CLIC4: variants seen among roughly 807,000 people sequenced by gnomAD.
CLIC4 encodes chloride intracellular channel protein 4.
CLIC4 carries 13 observed loss-of-function variants against 24.6 expected under a neutral mutation model. The ratio of observed to expected loss-of-function variants is 0.53; its 90% CI spans 0.34 to 0.84. The LOEUF is 0.84. CLIC4 is among the 40% of genes least tolerant of loss of function. CLIC4 has a pLI of 0.01. For missense variants in CLIC4, 227 were observed against 301.7 expected, an observed-to-expected ratio of 0.75 and a Z score of 1.83; for synonymous variants, 104 against 111.3, an observed-to-expected ratio of 0.93 and a Z score of 0.41.
chr1:24,752,206 T>C (rs1460898658), intron 1 of CLIC4, among the ~76,000 whole-genome samples: 1 of 152,166 alleles, frequency 6.6e-6, no homozygotes, highest in Non-Finnish European at 1.5e-5. Flanking sequence ...AGGATAATAA[T>C]AATAGCAATT....
intron 1 of CLIC4, among the ~76,000 whole-genome samples, chr1:24,777,397 A>G (rs1461764876): frequency 6.6e-6 from 1 of 152,132 alleles, no homozygotes; most frequent in African/African-American, 2.4e-5. Context: ...TACAAGAATT[A>G]GTCAGGCGTG....
intron 2 of CLIC4, among the ~76,000 whole-genome samples, chr1:24,811,641 T>TA (rs201287959): frequency 3.3e-5 from 5 of 152,322 alleles, no homozygotes; most frequent in South Asian, 2.1e-4. Flanking sequence ...CCCAGCTAAT[T>TA]AAAAAAAATT....
At chr1:24,800,868 CATGCTCGTTA>C (rs1181632079) in intron 2 of CLIC4, among the ~76,000 whole-genome samples, 1 of 151,066 alleles carries the variant, frequency 6.6e-6, no homozygotes, top group African/African-American at 2.4e-5. Context: ...TTGAAGGCAG[CATGCTCGTTA>C]AGAGTCATCA....
intron 2 of CLIC4, among the ~76,000 whole-genome samples, chr1:24,813,041 TCTTTC>T (rs1362085436): frequency 3.7e-4 from 48 of 129,254 alleles, no homozygotes; most frequent in African/African-American, 1.1e-3. Flanking sequence ...TTTCTTTCTT[TCTTTC>T]TTTTTTTTTT....
intron 1 of CLIC4, among the ~76,000 whole-genome samples, chr1:24,765,695 A>C (rs1284521111): frequency 1.3e-5 from 2 of 152,318 alleles, no homozygotes; most frequent in African/African-American, 4.8e-5. Context: ...GCATGTAAAA[A>C]GTTCTTTATA....
In CLIC4 at chr1:24,843,305, G is replaced by GA. The variant is rs1639961542; in HGVS notation, c.*2371dup. The GA allele has an allele frequency of 2.0e-5, 3 of 152,342 alleles. No homozygotes were observed. In the South Asian group the frequency reaches 6.2e-4, roughly 32 times the overall value. The allele number at this position is 152,342 out of a possible 1,614,324, so 9.4% of individuals were successfully genotyped here. On this transcript the variant is annotated 3_prime_UTR_variant, in exon 6 of 6. Transcript: ENST00000374379. ...GCTTTAACCCCATTGTATGTTTGTG[G>GA]AAAGAGCATAGTTTAACATCTTGAG... is the stretch of plus-strand genomic sequence containing the variant.
At chr1:24,799,653 G>T (rs1424623151) in intron 2 of CLIC4, among the ~76,000 whole-genome samples, 7 of 140,090 alleles carry the variant, frequency 5.0e-5, no homozygotes, top group African/African-American at 1.7e-4. Flanking sequence ...GAGGTGGGGG[G>T]GGTCAGCCCC....
intron 3 of CLIC4, 136 bp from the exon 4 acceptor site, chr1:24,826,874 T>G (rs1485628628): frequency 2.3e-5 from 13 of 560,148 alleles, no homozygotes; most frequent in Non-Finnish European, 3.4e-5. Context: ...AAAAATACCA[T>G]AGAAAACAAA....
chr1:24,811,582 C>G (rs1374423155), intron 2 of CLIC4, among the ~76,000 whole-genome samples: 1 of 152,096 alleles, frequency 6.6e-6, no homozygotes, highest in African/African-American at 2.4e-5. Flanking sequence ...AACCAATCCT[C>G]CCATCTCAGC....
At chr1:24,795,647 C>T (rs925881886) in intron 1 of CLIC4, among the ~76,000 whole-genome samples, 25 of 152,008 alleles carry the variant, frequency 1.6e-4, no homozygotes, top group African/African-American at 4.3e-4. Flanking sequence ...CTCGGCTCAC[C>T]GCAACCTCCA....
intron 3 of CLIC4, among the ~76,000 whole-genome samples, chr1:24,820,966 T>G (rs1238149804): frequency 6.6e-6 from 1 of 152,084 alleles, no homozygotes; most frequent in Non-Finnish European, 1.5e-5. Flanking sequence ...GGTGGATGAC[T>G]TGAGCTCAGG....
At chr1:24,748,505 T>TG (rs1320002564) in intron 1 of CLIC4, among the ~76,000 whole-genome samples, 3 of 140,168 alleles carry the variant, frequency 2.1e-5, no homozygotes, top group Non-Finnish European at 3.2e-5. Context: ...TTTTGTTTTT[T>TG]TTTTTTTTTT....
At chr1:24,755,067 G>A (rs1211118137) in intron 1 of CLIC4, among the ~76,000 whole-genome samples, 9 of 127,120 alleles carry the variant, frequency 7.1e-5, no homozygotes, top group African/African-American at 2.5e-4. Flanking sequence ...GTAAGACTCC[G>A]TCTCAAAAAA....
intron 1 of CLIC4, among the ~76,000 whole-genome samples, chr1:24,748,499 GTTTTTTT>G (rs869153638): frequency 3.7e-5 from 3 of 80,608 alleles, no homozygotes; most frequent in African/African-American, 4.9e-5. Context: ...CAGGTTTTTT[GTTTTTTT>G]TTTTTTTTTT....
At chr1:24,838,738 A>C (rs1204905313) in intron 4 of CLIC4, among the ~76,000 whole-genome samples, 2 of 152,282 alleles carry the variant, frequency 1.3e-5, no homozygotes, top group Middle Eastern at 6.8e-3. Flanking sequence ...GTCTGTTGTT[A>C]TTCCATATTT....
intron 3 of CLIC4, among the ~76,000 whole-genome samples, chr1:24,816,803 G>A (rs2124155555): frequency 6.6e-6 from 1 of 152,280 alleles, no homozygotes; most frequent in East Asian, 1.9e-4. Context: ...ATTTAGAAAG[G>A]AATCTTTTTT....
chr1:24,763,075 T>C (rs981417192), intron 1 of CLIC4, among the ~76,000 whole-genome samples: 1 of 152,178 alleles, frequency 6.6e-6, no homozygotes, highest in African/African-American at 2.4e-5. Flanking sequence ...TCCCTCCTAC[T>C]TCTTTACTTG....
chr1:24,820,285 TTTTTTTTG>T (rs1006853376), intron 3 of CLIC4, among the ~76,000 whole-genome samples: 1 of 114,262 alleles, frequency 8.8e-6, no homozygotes, highest in African/African-American at 3.2e-5. Context: ...TTTTTTTTTT[TTTTTTTTG>T]AGACATGGTC....
At chr1:24,815,088 A>G (rs1012199505) in intron 3 of CLIC4, among the ~76,000 whole-genome samples, 8 of 152,146 alleles carry the variant, frequency 5.3e-5, no homozygotes, top group Non-Finnish European at 1.0e-4. Flanking sequence ...GTCACGTGAA[A>G]TTTTTCGTTT....
Sources: gnomAD v4.1 joint callset for allele counts (sites outside exome capture counted in the v4.1 genomes callset) on GRCh38, gnomAD v4.1.1 for gene constraint, MANE v1.5 for transcripts, NCBI Gene and HGNC (gene_info 2026-07-23, HGNC 2026-07-21) for gene names.